The following GRHL2 variants were observed in gnomAD, a reference collection of about 807,000 sequenced individuals.
The protein encoded by GRHL2 is grainyhead-like protein 2 homolog.
A neutral mutation model predicts 83.8 loss-of-function variants in GRHL2; 21 were observed. The ratio of observed to expected loss-of-function variants is 0.25; its 90% CI spans 0.18 to 0.36. The LOEUF (loss-of-function observed/expected upper bound fraction) is 0.36, where lower values mean the gene tolerates loss of function less well. GRHL2 is among the 10% of genes least tolerant of loss of function. GRHL2 has a pLI of 1.00. For synonymous variants in GRHL2, 280 were observed against 278.9 expected (o/e 1.00, Z -0.04); for missense variants, 623 against 781.8 (o/e 0.80, Z 2.42).
chr8:101,636,527 C>T (rs11993425), intron 11 of GRHL2, among the ~76,000 whole-genome samples: 14,958 of 152,150 alleles, frequency 0.098, 1,481 homozygotes, highest in African/African-American at 0.26. Flanking sequence ...AAAGCCAGAG[C>T]CTTTGTAAAC....
chr8:101,650,298 A>C (rs557072961), intron 14 of GRHL2, among the ~76,000 whole-genome samples: 8 of 152,232 alleles, frequency 5.3e-5, no homozygotes, highest in Admixed American at 3.9e-4. Flanking sequence ...CATTTCTTTC[A>C]TTTGGGATAC....
chr8:101,652,449 T>G (rs1813669708), intron 14 of GRHL2, among the ~76,000 whole-genome samples: 1 of 53,732 alleles, frequency 1.9e-5, no homozygotes, highest in South Asian at 6.1e-4. Context: ...GTGTGTGTGG[T>G]GTGTGTCTGG....
At chr8:101,615,263 C>T (rs1812831443) in intron 8 of GRHL2, among the ~76,000 whole-genome samples, 1 of 152,184 alleles carries the variant, frequency 6.6e-6, no homozygotes, top group Non-Finnish European at 1.5e-5. Flanking sequence ...GGGTCTGTCC[C>T]ACTTAAATGG....
At chr8:101,571,730 C>A (rs1811828734) in intron 5 of GRHL2, among the ~76,000 whole-genome samples, 1 of 152,026 alleles carries the variant, frequency 6.6e-6, no homozygotes, top group South Asian at 2.1e-4. Context: ...CTCTTAAAGT[C>A]CTCTGGTTCC....
chr8:101,538,853 T>G (rs1811095709), intron 1 of GRHL2, among the ~76,000 whole-genome samples: 1 of 152,190 alleles, frequency 6.6e-6, no homozygotes, highest in South Asian at 2.1e-4. Context: ...CATTGCATAG[T>G]TAAAGGGAAG....
chr8:101,553,906 G>T (rs367990244), intron 3 of GRHL2, among the ~76,000 whole-genome samples: 2 of 152,080 alleles, frequency 1.3e-5, no homozygotes, highest in African/African-American at 4.8e-5. Context: ...GATTACAGGT[G>T]TGGGCCACCG....
chr8:101,582,096 G>A (rs1376718150), intron 7 of GRHL2, among the ~76,000 whole-genome samples: 1 of 152,046 alleles, frequency 6.6e-6, no homozygotes. Flanking sequence ...AAATTAGCCG[G>A]ACGTGGTGGC....
intron 1 of GRHL2, among the ~76,000 whole-genome samples, chr8:101,514,094 T>G (rs1810520639): frequency 6.6e-6 from 1 of 152,194 alleles, no homozygotes; most frequent in African/African-American, 2.4e-5. Context: ...CATCAGATTT[T>G]ACCTCTCCTG....
chr8:101,670,969 T>C (rs1292508973), downstream of GRHL2, among the ~76,000 whole-genome samples: 2 of 152,050 alleles, frequency 1.3e-5, no homozygotes, highest in African/African-American at 4.8e-5. Context: ...AGGAATTCTA[T>C]AGTGGGGCCT....
At chr8:101,581,074 G>C (rs768580853) in intron 7 of GRHL2, among the ~76,000 whole-genome samples, 1 of 152,212 alleles carries the variant, frequency 6.6e-6, no homozygotes, top group Non-Finnish European at 1.5e-5. Context: ...CCTCTAGCCA[G>C]TTCTTGGCAC....
intron 14 of GRHL2, among the ~76,000 whole-genome samples, chr8:101,655,810 G>A (rs1300722536): frequency 1.3e-5 from 2 of 152,202 alleles, no homozygotes; most frequent in Non-Finnish European, 1.5e-5. Context: ...TTTGGTGGTG[G>A]TGATGGTGGT....
chr8:101,638,606 C>T (rs1813337389), intron 12 of GRHL2, among the ~76,000 whole-genome samples: 2 of 152,134 alleles, frequency 1.3e-5, no homozygotes, highest in South Asian at 4.2e-4. Flanking sequence ...CACCTTCTAT[C>T]CTAAAAGATA....
At chr8:101,515,517 C>A (rs939617487) in intron 1 of GRHL2, among the ~76,000 whole-genome samples, 6 of 152,212 alleles carry the variant, frequency 3.9e-5, no homozygotes, top group African/African-American at 1.4e-4. Context: ...CCTTCAGAGT[C>A]TGTTGAAAAC....
downstream of GRHL2, among the ~76,000 whole-genome samples, chr8:101,671,199 C>A (rs527333380): frequency 6.6e-6 from 1 of 152,124 alleles, no homozygotes; most frequent in African/African-American, 2.4e-5. Context: ...GTGCACCCTG[C>A]GCAAGCTGAA....
rs571367317 is a variant in GRHL2 at position 101,574,227 on chromosome 8, C to T, written c.891+403C>T. ...GGAAAATGCAGTTCACTCTGAATCCCTGGGCCTGGTGGAACTTGGTTTCAA... is the reference window on the plus strand; with the variant it reads ...GGAAAATGCAGTTCACTCTGAATCCTTGGGCCTGGTGGAACTTGGTTTCAA... On this transcript the variant is annotated intron_variant, in intron 6 of 15. Transcript: ENST00000646743. Among the ~76,000 whole-genome samples the T allele has an allele frequency of 2.0e-5, 3 of 152,330 alleles. No individual in the cohort carries two copies. In the South Asian group the frequency reaches 6.2e-4, roughly 32 times the overall value.
At chr8:101,564,841 G>GGAT (rs1213575211) in intron 4 of GRHL2, among the ~76,000 whole-genome samples, 1 of 145,398 alleles carries the variant, frequency 6.9e-6, no homozygotes, top group Admixed American at 6.9e-5. Flanking sequence ...CCACTTTAAT[G>GGAT]GATGAATTTT....
chr8:101,612,044 C>T (rs1420524624), intron 8 of GRHL2, among the ~76,000 whole-genome samples: 1 of 150,924 alleles, frequency 6.6e-6, no homozygotes, highest in Non-Finnish European at 1.5e-5. Flanking sequence ...GGATGGAGTG[C>T]AATGGCGGGA....
chr8:101,612,452 C>T (rs1222032603), intron 8 of GRHL2, among the ~76,000 whole-genome samples: 1 of 150,120 alleles, frequency 6.7e-6, no homozygotes, highest in Admixed American at 6.6e-5. Context: ...CTATATATAG[C>T]ATCTTCAGAG....
chr8:101,677,010 A>C, the GRHL2 span, among the ~76,000 whole-genome samples: 1 of 151,854 alleles, frequency 6.6e-6, no homozygotes, highest in African/African-American at 2.4e-5. Flanking sequence ...GAATTGAACA[A>C]TGAGAACACA....
Sources: allele counts gnomAD v4.1 joint callset (sites outside exome capture counted in the v4.1 genomes callset), GRCh38; gene constraint gnomAD v4.1.1; transcripts MANE v1.5; gene names NCBI Gene and HGNC (gene_info 2026-07-23, HGNC 2026-07-21).